BDP1: variants seen among roughly 807,000 people sequenced by gnomAD.
BDP1 encodes BDP1 general transcription factor IIIB subunit.
Under a neutral mutation model 266.6 loss-of-function variants are expected in BDP1, and 169 were observed. The observed-to-expected ratio is 0.63, with a 90% confidence interval of 0.56 to 0.72. The LOEUF (loss-of-function observed/expected upper bound fraction) is 0.72, where lower values mean the gene tolerates loss of function less well. Among genes scored for constraint, BDP1 ranks in the 30% least tolerant of loss-of-function variants. The probability of loss-of-function intolerance (pLI) is 0.00; values close to 1 mark genes in which losing one functional copy is unlikely to be tolerated. For missense variants in BDP1, 3,015 were observed against 3,053.8 expected (o/e 0.99, Z 0.30); for synonymous variants, 1,090 against 1,022.4 (o/e 1.07, Z -1.26).
chr5:71,461,958 CTTTTTTTTTTTTT>C lies in BDP1; in HGVS notation c.599+41_599+53del. ...AAAATTTATTTCTGCTTTACTATCT[CTTTTTTTTTTTTT>C]TTTTTTTTGGAGGTGGAGTCTCGCT... is the stretch of plus-strand genomic sequence containing the variant. On this transcript the variant is annotated intron_variant, in intron 3 of 38. Coordinates refer to ENST00000358731, the MANE Select transcript of BDP1 (RefSeq NM_018429.3). The C allele has an allele frequency of 3.6e-5, 16 of 443,296 alleles. 1 individual carries two copies. The highest frequency in any genetic ancestry group is 2.4e-4 in the South Asian group (11 of 44,926). The allele number at this position is 443,296 out of a possible 1,614,324, so 27.5% of individuals were successfully genotyped here. A position where few individuals can be genotyped will look rare whatever the true frequency, so the allele number is the denominator to read the frequency against.
chr5:71,530,908 T>TC (rs1580157503), intron 25 of BDP1, among the ~76,000 whole-genome samples: 1 of 152,036 alleles, frequency 6.6e-6, no homozygotes, highest in African/African-American at 2.4e-5. Context: ...CGAAACCTCA[T>TC]CTTTACAAAA....
chr5:71,514,907 T>G (rs1370918966), intron 19 of BDP1, 37 bp from the exon 20 acceptor site: 3 of 1,439,050 alleles, frequency 2.1e-6, no homozygotes, highest in Non-Finnish European at 2.9e-6. Context: ...CTTATACTTT[T>G]AGCAACTGTG....
At position 71,539,599 on chromosome 5, in the gene BDP1, C is replaced by A; in HGVS notation, c.5972C>A (p.Thr1991Lys). The A allele has an allele frequency of 1.9e-6, 3 of 1,609,742 alleles. No individual in the cohort carries two copies. The highest frequency in any genetic ancestry group is 2.5e-6 in the Non-Finnish European group (3 of 1,178,396). ...ACCGAAGCTGCAATAACTTTACTTA[C>A]AATGGGAGATCTAGTATTGCAGTCA... ...GSTEAAITLLTMGDLVLQSEI... is the reference protein window; with the variant it reads ...GSTEAAITLLKMGDLVLQSEI... The change falls in exon 28 of 39, where the codon ACA (threonine) becomes AAA (lysine). Residue 1991 changes from threonine to lysine, a missense_variant. By Grantham distance (78) the Thr-to-Lys change is moderately conservative (BLOSUM62 -1). Transcript: ENST00000358731.
In BDP1 at chr5:71,522,509, A is replaced by AG. The variant is rs778435897; in HGVS notation, c.5193+19_5193+20insG. The AG allele has an allele frequency of 6.4e-7, 1 of 1,573,006 alleles. No homozygotes were observed. Among genetic ancestry groups the AG allele is most frequent in the Non-Finnish European group, 8.6e-7 (1 of 1,168,842 alleles). Reference sequence around the variant, plus strand: ...TCTAAAAGTAAGTTTGGGCAAAAAAAAAAAAAAAATTTTTTTTCTCAATGA... The same window carrying AG: ...TCTAAAAGTAAGTTTGGGCAAAAAAAGAAAAAAAAATTTTTTTTCTCAATGA... On this transcript the variant is annotated intron_variant, in intron 23 of 38. Coordinates refer to ENST00000358731, the MANE Select transcript of BDP1 (RefSeq NM_018429.3).
Position 71,461,845 on chromosome 5 carries a change from A to T in BDP1, c.518A>T (p.Asn173Ile), listed in dbSNP as rs1368216012. ...CAATGGAAAAACAAATATGCTATAAATGAAAGTCAGAGGCCACCAGATCGT... is the reference window on the plus strand; with the variant it reads ...CAATGGAAAAACAAATATGCTATAATTGAAAGTCAGAGGCCACCAGATCGT... ...KKQWKNKYAI[N>I]ESQRPPDRSK... Residue 173 changes from asparagine to isoleucine, a missense_variant, in exon 3 of 39, where the codon AAT becomes ATT. Transcript: ENST00000358731. 1.9e-6 allele frequency: 3 copies of T among 1,606,290 alleles called. No individual in the cohort carries two copies. In the South Asian group the frequency reaches 3.3e-5, roughly 18 times the overall value.
At chr5:71,470,888 G>A (rs1006959766) in intron 7 of BDP1, among the ~76,000 whole-genome samples, 11 of 148,474 alleles carry the variant, frequency 7.4e-5, no homozygotes, top group African/African-American at 2.8e-4. Flanking sequence ...ACCGTGCCCA[G>A]CCCTTTTTTT....
chr5:71,512,422 A>G lies in BDP1; in HGVS notation c.4241A>G (p.Asn1414Ser). ...GTTCCAGAGCAGTTTTCAGATATTAATTTAAGGTACAAGTGTGTTTTTAAA... is the reference window on the plus strand; with the variant it reads ...GTTCCAGAGCAGTTTTCAGATATTAGTTTAAGGTACAAGTGTGTTTTTAAA... ...PDVPEQFSDI[N>S]LSKSLPQEQK... Residue 1414 changes from asparagine (N) to serine (S), a missense_variant, in exon 18 of 39, where the codon AAT becomes AGT. Physicochemically the swap from Asn to Ser is conservative, Grantham distance 46. Coordinates refer to ENST00000358731, the MANE Select transcript of BDP1 (RefSeq NM_018429.3). 1 of 1,533,978 alleles carries G rather than the reference A, an allele frequency of 6.5e-7. No individual in the cohort carries two copies. Among genetic ancestry groups the G allele is most frequent in the Non-Finnish European group, 8.7e-7 (1 of 1,148,226 alleles).
At chr5:71,517,513 A>G (rs1765284637) in intron 22 of BDP1, 61 bp downstream of exon 22, 15 of 1,420,564 alleles carry the variant, frequency 1.1e-5, no homozygotes, top group Admixed American at 2.4e-5. Context: ...ATATTTTTGC[A>G]TAGTTGACTT....
At chr5:71,515,220 A>C in intron 20 of BDP1, 98 bp downstream of exon 20, 1 of 937,800 alleles carries the variant, frequency 1.1e-6, no homozygotes, top group South Asian at 2.0e-5. Flanking sequence ...TTAAAAAGTG[A>C]ACATAAAGAA....
intron 13 of BDP1, among the ~76,000 whole-genome samples, chr5:71,499,177 G>A (rs1046660522): frequency 4.6e-5 from 7 of 152,094 alleles, no homozygotes; most frequent in African/African-American, 1.2e-4. Flanking sequence ...TCGGCTCACC[G>A]CAACCTCTGC....
Position 71,510,511 on chromosome 5 carries a change from A to G in BDP1, c.3419A>G (p.Glu1140Gly). 17 of 1,613,952 alleles carry G rather than the reference A, an allele frequency of 1.1e-5. No individual in the cohort carries two copies. The highest frequency in any genetic ancestry group is 1.4e-5 in the Non-Finnish European group (17 of 1,179,990). The change falls in exon 17 of 39, where the codon GAA (glutamate) becomes GGA (glycine). Residue 1140 changes from glutamate (E) to glycine (G), a missense_variant. By Grantham distance (98) the Glu-to-Gly change is moderately conservative (BLOSUM62 -2). Around this residue, in one of 3 missense-constraint regions of BDP1, gnomAD observed 2,383 missense variants for 2,404.9 expected, o/e 0.99. Coordinates refer to ENST00000358731, the MANE Select transcript of BDP1 (RefSeq NM_018429.3). ...KTPEVIDATE[E>G]IDKDLEETGR... ...CCAGAGGTGATTGATGCCACTGAGG[A>G]AATAGACAAAGATCTGGAAGAAACT...
At chr5:71,475,027 A>G (rs950250909) in intron 7 of BDP1, among the ~76,000 whole-genome samples, 2 of 152,128 alleles carry the variant, frequency 1.3e-5, no homozygotes, top group East Asian at 1.9e-4. Context: ...TTTCTTCTCT[A>G]GTTCATCCAG....
chr5:71,470,549 A>G, intron 7 of BDP1, 60 bp downstream of exon 7: 3 of 1,072,418 alleles, frequency 2.8e-6, no homozygotes, highest in Non-Finnish European at 4.2e-6. Flanking sequence ...AAATGTTAGT[A>G]GTATTATTCG....
At chr5:71,480,794 C>A (rs926213244) in intron 7 of BDP1, among the ~76,000 whole-genome samples, 2 of 152,110 alleles carry the variant, frequency 1.3e-5, no homozygotes, top group Non-Finnish European at 1.5e-5. Flanking sequence ...GAACTCCTGA[C>A]CTCAAGTGAT....
Position 71,470,407 on chromosome 5 carries a change from T to G in BDP1, c.932T>G (p.Phe311Cys), listed in dbSNP as rs775543133. The G allele has an allele frequency of 6.2e-7, 1 of 1,603,890 alleles. No homozygotes were observed. The highest frequency in any genetic ancestry group is 1.3e-5 in the African/African-American group (1 of 74,742). Residue 311 changes from phenylalanine (F) to cysteine (C), a missense_variant, in exon 7 of 39, where the codon TTT becomes TGT. By Grantham distance (205) the Phe-to-Cys change is radical. Coordinates refer to ENST00000358731, the MANE Select transcript of BDP1 (RefSeq NM_018429.3). ...TTTATTTTCACAGAAACAGATATGT[T>G]TTTTTTAGCCATCAGCATGGTAGGA... Reference protein sequence around the residue: ...KPWSNKETDMFFLAISMVGTD... With the variant: ...KPWSNKETDMCFLAISMVGTD...
intron 10 of BDP1, 26 bp from the exon 11 acceptor site, chr5:71,490,958 G>A: frequency 7.7e-6 from 12 of 1,565,692 alleles, no homozygotes; most frequent in Non-Finnish European, 1.0e-5. Context: ...TCATTTTTTA[G>A]AATAACATGC....
chr5:71,543,172 T>G (rs1341660939), intron 30 of BDP1, among the ~76,000 whole-genome samples: 3 of 152,168 alleles, frequency 2.0e-5, no homozygotes, highest in African/African-American at 7.2e-5. Context: ...TCCTAGCTAC[T>G]CAGGAGGCTG....
Position 71,549,624 on chromosome 5 carries a change from C to T in BDP1, c.6995+18C>T, listed in dbSNP as rs375716754. ...GACATGAGGTAACGAATGAGTGAAA[C>T]TGTTTTTGCTAGGAGGAAAAGTGAT... is the stretch of plus-strand genomic sequence containing the variant. On this transcript the variant is annotated intron_variant, in intron 34 of 38. Coordinates refer to ENST00000358731, the MANE Select transcript of BDP1 (RefSeq NM_018429.3). 1.5e-5 allele frequency: 23 copies of T among 1,572,844 alleles called. No homozygotes were observed. Among genetic ancestry groups the T allele is most frequent in the Non-Finnish European group, 2.0e-5 (23 of 1,158,286 alleles).
At chr5:71,474,951 T>G (rs1762496492) in intron 7 of BDP1, among the ~76,000 whole-genome samples, 1 of 152,042 alleles carries the variant, frequency 6.6e-6, no homozygotes, top group Non-Finnish European at 1.5e-5. Flanking sequence ...TTAAGAATTA[T>G]TAATTATTAC....
Sources: gnomAD v4.1 joint callset for allele counts (sites outside exome capture counted in the v4.1 genomes callset) on GRCh38, gnomAD v4.1.1 for gene constraint, gnomAD v4.1.1 regional missense constraint, MANE v1.5 for transcripts, NCBI Gene and HGNC (gene_info 2026-07-23, HGNC 2026-07-21) for gene names.